DDAH1: variants seen among roughly 807,000 people sequenced by gnomAD.
DDAH1 encodes the protein dimethylarginine dimethylaminohydrolase 1.
Under a neutral mutation model 28.8 loss-of-function variants are expected in DDAH1, and 19 were observed. The observed-to-expected ratio is 0.66, with a 90% CI of 0.46 to 0.97. DDAH1 has a LOEUF of 0.97. DDAH1 is among the 50% of genes least tolerant of loss of function. The pLI is 0.00. For missense variants in DDAH1, 326 were observed against 375.9 expected (o/e 0.87, Z 1.10); for synonymous variants, 153 against 154.4 (o/e 0.99, Z 0.07).
intron 1 of DDAH1, among the ~76,000 whole-genome samples, chr1:85,458,490 G>A (rs981044852): frequency 1.6e-4 from 23 of 140,596 alleles, no homozygotes; most frequent in Non-Finnish European, 3.1e-4. Flanking sequence ...GTGCAGTGGT[G>A]CTATCTCATC....
At chr1:85,518,542 CAG>C (rs1461686050) in intron 1 of DDAH1, among the ~76,000 whole-genome samples, 1 of 152,116 alleles carries the variant, frequency 6.6e-6, no homozygotes, top group Non-Finnish European at 1.5e-5. Context: ...AAAACAGCGA[CAG>C]GGTGGTGAAT....
intron 1 of DDAH1, among the ~76,000 whole-genome samples, chr1:85,506,278 A>C (rs903986362): frequency 2.0e-5 from 3 of 152,198 alleles, no homozygotes; most frequent in African/African-American, 7.2e-5. Flanking sequence ...AGAGAGAAGG[A>C]AGAATGACAA....
chr1:85,571,998 C>T (rs1469274941), intron 1 of DDAH1, among the ~76,000 whole-genome samples: 2 of 152,074 alleles, frequency 1.3e-5, no homozygotes, highest in East Asian at 3.9e-4. Flanking sequence ...TGGAGGGCTC[C>T]GTGCTTAGTA....
chr1:85,350,453 C>T lies in DDAH1; in HGVS notation c.559G>A (p.Ala187Thr), dbSNP rs147415500. The T allele has an allele frequency of 2.1e-4, 345 of 1,614,092 alleles. No individual in the cohort carries two copies. The African/African-American group carries it at 4.1e-3, about 19-fold the overall frequency. ...TGTGCAGATTCACTAGACCCAATTG[C>T]GATCAGGTTAGGCCCAGCCATGCTG... ...FCSMAGPNLI[A>T]IGSSESAQKA... Residue 187 changes from alanine to threonine, a missense_variant, in exon 4 of 6, where the codon GCA (alanine) becomes ACA (threonine). By Grantham distance (58) the Ala-to-Thr change is moderately conservative. Transcript: ENST00000284031.
chr1:85,401,214 G>A (rs1185551199), intron 1 of DDAH1, among the ~76,000 whole-genome samples: 1 of 152,084 alleles, frequency 6.6e-6, no homozygotes, highest in Non-Finnish European at 1.5e-5. Context: ...TACAGGAATC[G>A]ATCCTTTTTT....
chr1:85,329,429 T>C (rs233130), intron 4 of DDAH1, among the ~76,000 whole-genome samples: 52,925 of 152,078 alleles, frequency 0.35, 9,336 homozygotes, highest in South Asian at 0.4. Context: ...TCACTCTTCA[T>C]TCTTTAATGC....
intron 1 of DDAH1, among the ~76,000 whole-genome samples, chr1:85,455,255 AT>A (rs1002914666): frequency 1.4e-4 from 21 of 152,316 alleles, no homozygotes; most frequent in African/African-American, 4.8e-4. Flanking sequence ...ACTGAAAAAA[AT>A]AATTAAAAGA....
chr1:85,510,568 A>C (rs187483741), intron 1 of DDAH1, among the ~76,000 whole-genome samples: 20 of 152,352 alleles, frequency 1.3e-4, no homozygotes, highest in African/African-American at 4.6e-4. Flanking sequence ...CTGGATAAAG[A>C]GTCAAGACCC....
At chr1:85,518,714 C>T (rs1657559627) in intron 1 of DDAH1, among the ~76,000 whole-genome samples, 1 of 152,184 alleles carries the variant, frequency 6.6e-6, no homozygotes, top group Non-Finnish European at 1.5e-5. Flanking sequence ...CTATTAATCA[C>T]ATCTGCAAAG....
At chr1:85,404,577 A>C in intron 1 of DDAH1, 1 of 1,339,504 alleles carries the variant, frequency 7.5e-7, no homozygotes, top group Non-Finnish European at 9.6e-7. Context: ...CATTTTCCAG[A>C]CTCTTGTGGG....
intron 1 of DDAH1, among the ~76,000 whole-genome samples, chr1:85,449,313 C>T (rs999619710): frequency 7.2e-5 from 11 of 152,156 alleles, no homozygotes; most frequent in African/African-American, 2.2e-4. Flanking sequence ...TTGAGAGATT[C>T]TCTCATATGA....
intron 4 of DDAH1, among the ~76,000 whole-genome samples, chr1:85,343,622 A>ATAAT (rs747785981): frequency 1.3e-5 from 2 of 152,260 alleles, no homozygotes; most frequent in East Asian, 1.9e-4. Flanking sequence ...GCTACACACT[A>ATAAT]TAATTCCCTG....
intron 1 of DDAH1, among the ~76,000 whole-genome samples, chr1:85,565,936 C>T (rs960861181): frequency 6.6e-6 from 1 of 152,036 alleles, no homozygotes; most frequent in Admixed American, 6.5e-5. Context: ...CAAAAATTAG[C>T]TGGGTGTGGT....
chr1:85,447,417 A>C (rs1054430772), intron 1 of DDAH1, among the ~76,000 whole-genome samples: 5 of 152,216 alleles, frequency 3.3e-5, no homozygotes, highest in African/African-American at 1.2e-4. Flanking sequence ...CGAGTGGGCC[A>C]CAAGGAAGCT....
At chr1:85,558,593 C>T (rs1659051035) in intron 1 of DDAH1, among the ~76,000 whole-genome samples, 1 of 152,026 alleles carries the variant, frequency 6.6e-6, no homozygotes, top group East Asian at 1.9e-4. Context: ...TTTTATTGCC[C>T]TCAGGTATTT....
At chr1:85,559,546 T>C (rs1659080434) in intron 1 of DDAH1, among the ~76,000 whole-genome samples, 1 of 151,996 alleles carries the variant, frequency 6.6e-6, no homozygotes, top group Non-Finnish European at 1.5e-5. Flanking sequence ...ATGGAGATAA[T>C]GAAATTAGAA....
intron 1 of DDAH1, among the ~76,000 whole-genome samples, chr1:85,458,791 C>T (rs1655008809): frequency 6.6e-6 from 1 of 152,128 alleles, no homozygotes; most frequent in Admixed American, 6.5e-5. Context: ...TATTTATGGA[C>T]AACCTGAAAT....
chr1:85,478,670 C>T (rs1031327112), intron 2 of DDAH1, among the ~76,000 whole-genome samples: 1 of 152,196 alleles, frequency 6.6e-6, no homozygotes, highest in African/African-American at 2.4e-5. Flanking sequence ...GGGGACACAA[C>T]CAAACCATAT....
intron 1 of DDAH1, among the ~76,000 whole-genome samples, chr1:85,414,439 AT>A (rs1228242711): frequency 6.6e-6 from 1 of 152,256 alleles, no homozygotes; most frequent in African/African-American, 2.4e-5. Flanking sequence ...CCACGTTAAA[AT>A]TAAGAGCTCT....
Sources: allele counts gnomAD v4.1 joint callset (sites outside exome capture counted in the v4.1 genomes callset), GRCh38; gene constraint gnomAD v4.1.1; transcripts MANE v1.5; gene names NCBI Gene and HGNC (gene_info 2026-07-23, HGNC 2026-07-21).